The following ANKS1B variants were observed in gnomAD, a reference collection of about 807,000 sequenced individuals.
The protein encoded by ANKS1B is ankyrin repeat and sterile alpha motif domain containing 1B.
A neutral mutation model predicts 148.3 loss-of-function variants in ANKS1B; 36 were observed. The ratio of observed to expected loss-of-function variants is 0.24; its 90% CI spans 0.19 to 0.32. The LOEUF (loss-of-function observed/expected upper bound fraction) is 0.32, where lower values mean the gene tolerates loss of function less well. Ranked by LOEUF, ANKS1B falls within the 10% of genes least tolerant of loss-of-function variation. The probability of loss-of-function intolerance (pLI) is 1.00; values close to 1 mark genes in which losing one functional copy is unlikely to be tolerated. For synonymous variants in ANKS1B, 542 were observed against 560.8 expected (o/e 0.97, Z 0.47); for missense variants, 1,157 against 1,542.6 (o/e 0.75, Z 4.19).
chr12:99,486,473 T>G (rs1175221271), intron 10 of ANKS1B, among the ~76,000 whole-genome samples: 1 of 151,650 alleles, frequency 6.6e-6, no homozygotes, highest in Admixed American at 6.6e-5. Flanking sequence ...TTTATTTATT[T>G]ATTTATTTAT....
intron 11 of ANKS1B, among the ~76,000 whole-genome samples, chr12:99,401,830 T>C (rs1306309290): frequency 6.8e-6 from 1 of 146,830 alleles, no homozygotes; most frequent in East Asian, 1.9e-4. Context: ...TACTTAGTCA[T>C]GCCCTAAGGC....
At chr12:99,096,571 G>C (rs1287730358) in intron 15 of ANKS1B, among the ~76,000 whole-genome samples, 1 of 152,152 alleles carries the variant, frequency 6.6e-6, no homozygotes, top group Non-Finnish European at 1.5e-5. Flanking sequence ...AGAGCTCTTT[G>C]AACTGTTCTG....
chr12:99,872,448 G>A (rs948471957), intron 1 of ANKS1B, among the ~76,000 whole-genome samples: 2 of 152,022 alleles, frequency 1.3e-5, no homozygotes, highest in Non-Finnish European at 2.9e-5. Context: ...AAAATAAGGA[G>A]AGAAAATCAC....
intron 12 of ANKS1B, among the ~76,000 whole-genome samples, chr12:99,357,881 C>T (rs1035553597): frequency 5.9e-5 from 9 of 152,178 alleles, no homozygotes; most frequent in South Asian, 2.1e-4. Context: ...TGCTCTTAGA[C>T]ATTAGATATT....
chr12:98,975,959 T>C (rs1367301169), intron 17 of ANKS1B, among the ~76,000 whole-genome samples: 1 of 152,186 alleles, frequency 6.6e-6, no homozygotes, highest in East Asian at 1.9e-4. Flanking sequence ...TGCTGAGTAA[T>C]CTACCCCAAT....
At chr12:99,066,189 G>A (rs2044256379) in intron 16 of ANKS1B, among the ~76,000 whole-genome samples, 1 of 152,054 alleles carries the variant, frequency 6.6e-6, no homozygotes, top group Non-Finnish European at 1.5e-5. Context: ...GGTGGTATGT[G>A]CCTGTAATCC....
intron 12 of ANKS1B, among the ~76,000 whole-genome samples, chr12:99,331,384 A>T (rs768952065): frequency 6.6e-6 from 1 of 151,718 alleles, no homozygotes; most frequent in Non-Finnish European, 1.5e-5. Flanking sequence ...AAGCATTGGC[A>T]GTTTCCATGA....
chr12:99,634,867 A>G lies in ANKS1B; in HGVS notation c.1272+20200T>C, dbSNP rs113058109. On this transcript the variant is annotated intron_variant, in intron 9 of 26. Transcript: ENST00000683438. Reference sequence around the variant, plus strand: ...AAATGGGAGAAAATACTCTTAAATCACGTATATAAAGTGATTAATATCCAG... The same window carrying G: ...AAATGGGAGAAAATACTCTTAAATCGCGTATATAAAGTGATTAATATCCAG... Among the ~76,000 whole-genome samples, 199 of 152,322 alleles carry G rather than the reference A, an allele frequency of 1.3e-3. 1 individual carries two copies. Among genetic ancestry groups the G allele is most frequent in the African/African-American group, 4.2e-3 (174 of 41,582 alleles).
chr12:99,954,691 A>G (rs1045022390), intron 1 of ANKS1B, among the ~76,000 whole-genome samples: 18 of 152,088 alleles, frequency 1.2e-4, no homozygotes, highest in Non-Finnish European at 7.4e-5. Context: ...ACCAGAAGCA[A>G]TTTTGCCTCC....
chr12:99,102,604 C>T (rs2058221899), intron 15 of ANKS1B, among the ~76,000 whole-genome samples: 1 of 152,146 alleles, frequency 6.6e-6, no homozygotes, highest in South Asian at 2.1e-4. Flanking sequence ...GTTAGCTGGG[C>T]ATGGTGGCAT....
At chr12:99,730,844 C>T (rs2059068899) in intron 8 of ANKS1B, among the ~76,000 whole-genome samples, 1 of 152,156 alleles carries the variant, frequency 6.6e-6, no homozygotes, top group Admixed American at 6.5e-5. Context: ...TCTTCATCTA[C>T]TTATTATTTA....
chr12:99,283,925 G>C (rs1391835256), intron 12 of ANKS1B, among the ~76,000 whole-genome samples: 1 of 152,042 alleles, frequency 6.6e-6, no homozygotes, highest in African/African-American at 2.4e-5. Flanking sequence ...CTTATTGAAA[G>C]AATAAAGGAA....
At chr12:99,961,582 C>T in intron 1 of ANKS1B, among the ~76,000 whole-genome samples, 1 of 152,178 alleles carries the variant, frequency 6.6e-6, no homozygotes, top group Admixed American at 6.5e-5. Flanking sequence ...CTATGAAAGA[C>T]TTCTATAGTC....
At chr12:99,053,862 A>G (rs1175920792) in intron 16 of ANKS1B, among the ~76,000 whole-genome samples, 3 of 152,206 alleles carry the variant, frequency 2.0e-5, no homozygotes, top group African/African-American at 7.2e-5. Context: ...TTTTAAGACC[A>G]TGTGTTCTGC....
At chr12:99,723,398 TCAGGC>T in intron 8 of ANKS1B, among the ~76,000 whole-genome samples, 1 of 152,200 alleles carries the variant, frequency 6.6e-6, no homozygotes, top group Admixed American at 6.5e-5. Flanking sequence ...GAGTGCCTCT[TCAGGC>T]CTGACACTGA....
At chr12:99,324,694 TA>T (rs972902962) in intron 12 of ANKS1B, among the ~76,000 whole-genome samples, 1 of 152,112 alleles carries the variant, frequency 6.6e-6, no homozygotes, top group Non-Finnish European at 1.5e-5. Context: ...AAAAGTACTA[TA>T]AAAAACATTC....
chr12:99,635,527 C>G (rs1423869426), intron 9 of ANKS1B, among the ~76,000 whole-genome samples: 1 of 152,062 alleles, frequency 6.6e-6, no homozygotes. Context: ...TATGATTCCA[C>G]TTAGTTGAGG....
intron 11 of ANKS1B, among the ~76,000 whole-genome samples, chr12:99,436,338 T>C (rs546484918): frequency 3.7e-4 from 56 of 152,068 alleles, no homozygotes; most frequent in African/African-American, 1.2e-3. Flanking sequence ...TAAGGAAAAA[T>C]ATACCTACCT....
intron 1 of ANKS1B, among the ~76,000 whole-genome samples, chr12:99,916,013 C>T (rs549422631): frequency 1.3e-5 from 2 of 152,036 alleles, no homozygotes; most frequent in South Asian, 2.1e-4. Context: ...GGATTAGGGG[C>T]ACAACCTACC....
Sources: allele counts gnomAD v4.1 joint callset (sites outside exome capture counted in the v4.1 genomes callset), GRCh38; gene constraint gnomAD v4.1.1; transcripts MANE v1.5; gene names NCBI Gene and HGNC (gene_info 2026-07-23, HGNC 2026-07-21).